Variants in SHANK2 observed in about 807,000 individuals in gnomAD.
The protein encoded by SHANK2 is SH3 and multiple ankyrin repeat domains protein 2.
In SHANK2, 43 loss-of-function variants were observed where a neutral mutation model predicts 133.7. The ratio of observed to expected loss-of-function variants is 0.32; its 90% CI spans 0.25 to 0.41. SHANK2 has a LOEUF of 0.41. SHANK2 is among the 10% of genes least tolerant of loss of function. The probability of loss-of-function intolerance (pLI) is 1.00; values close to 1 mark genes in which losing one functional copy is unlikely to be tolerated. For missense variants in SHANK2, 1,994 were observed against 2,235.8 expected (o/e 0.89, Z 2.18); for synonymous variants, 1,017 against 952.8 (o/e 1.07, Z -1.24).
chr11:70,558,385 G>A (rs1340456621), intron 17 of SHANK2, among the ~76,000 whole-genome samples: 14 of 152,194 alleles, frequency 9.2e-5, no homozygotes, highest in Admixed American at 2.6e-4. Context: ...CCCATTCGGC[G>A]TGCACGACCC....
At chr11:70,756,882 A>G (rs1946887176) in intron 14 of SHANK2, among the ~76,000 whole-genome samples, 1 of 151,800 alleles carries the variant, frequency 6.6e-6, no homozygotes, top group Non-Finnish European at 1.5e-5. Context: ...GAATGTTACA[A>G]AAGAGAACGG....
At chr11:70,765,530 T>G (rs77842890) in intron 14 of SHANK2, among the ~76,000 whole-genome samples, 1 of 152,176 alleles carries the variant, frequency 6.6e-6, no homozygotes, top group Non-Finnish European at 1.5e-5. Flanking sequence ...GGACTGAAGC[T>G]GTTATTCCTA....
intron 22 of SHANK2, among the ~76,000 whole-genome samples, chr11:70,491,048 T>C (rs1011513392): frequency 6.6e-6 from 1 of 152,152 alleles, no homozygotes; most frequent in East Asian, 1.9e-4. Flanking sequence ...GCTCCCCTCC[T>C]CCCCTCCACC....
chr11:70,934,406 A>C (rs1555083119), intron 10 of SHANK2, among the ~76,000 whole-genome samples: 1 of 151,978 alleles, frequency 6.6e-6, no homozygotes, highest in Non-Finnish European at 1.5e-5. Context: ...CTGCTTCCTA[A>C]ACAGCCCAGC....
At chr11:71,206,532 T>C (rs1555118018) in intron 2 of SHANK2, among the ~76,000 whole-genome samples, 1 of 152,166 alleles carries the variant, frequency 6.6e-6, no homozygotes, top group African/African-American at 2.4e-5. Context: ...GATCGCACTA[T>C]TCTCATATCC....
intron 2 of SHANK2, among the ~76,000 whole-genome samples, chr11:71,151,291 T>C (rs1332365461): frequency 2.6e-5 from 4 of 151,712 alleles, no homozygotes; most frequent in Non-Finnish European, 4.4e-5. Flanking sequence ...CTATGTCCAA[T>C]TAGGAGAAAG....
chr11:70,909,862 G>A (rs1005202614), intron 10 of SHANK2, among the ~76,000 whole-genome samples: 3 of 152,324 alleles, frequency 2.0e-5, no homozygotes, highest in East Asian at 1.9e-4. Context: ...GTACGCTTGC[G>A]TATGAGTTTG....
intron 15 of SHANK2, among the ~76,000 whole-genome samples, chr11:70,695,264 T>C (rs1945369638): frequency 6.6e-6 from 1 of 152,070 alleles, no homozygotes; most frequent in Non-Finnish European, 1.5e-5. Flanking sequence ...AGTGAATGTC[T>C]TAATACCACT....
chr11:71,234,133 G>T (rs530446960), intron 1 of SHANK2, among the ~76,000 whole-genome samples: 1 of 136,904 alleles, frequency 7.3e-6, no homozygotes, highest in Non-Finnish European at 1.5e-5. Flanking sequence ...GGATCATGAG[G>T]TCAGGGATTT....
rs983061464 is a variant in SHANK2, at chr11:70,804,319, G to A, written c.1663+2683C>T. ...TGTGCGGGCCACCCCACGATGGGGA[G>A]GAGGCACCGACAGCTCGGCAGGAAG... is the stretch of plus-strand genomic sequence containing the variant. On this transcript the variant is annotated intron_variant, in intron 13 of 25. Transcript: ENST00000601538. The surrounding 1 kb of genome is among the most constrained non-coding windows in gnomAD (Gnocchi z 4.1). 6.6e-6 allele frequency among the ~76,000 whole-genome samples: 1 copy of A among 152,240 alleles called. No homozygotes were observed. Among genetic ancestry groups the A allele is most frequent in the South Asian group, 2.1e-4 (1 of 4,836 alleles).
chr11:70,605,981 A>C (rs1247664976), intron 17 of SHANK2, among the ~76,000 whole-genome samples: 1 of 152,120 alleles, frequency 6.6e-6, no homozygotes, highest in Non-Finnish European at 1.5e-5. Flanking sequence ...AGATGGCATG[A>C]AGTACCCTCA....
At chr11:71,133,279 T>TGGCC (rs1370969519) in intron 3 of SHANK2, among the ~76,000 whole-genome samples, 16 of 128,888 alleles carry the variant, frequency 1.2e-4, no homozygotes, top group African/African-American at 4.5e-4. Context: ...GATGGATGGA[T>TGGCC]GGCCGGCCGG....
chr11:71,154,346 A>G (rs1555108653), intron 2 of SHANK2, among the ~76,000 whole-genome samples: 1 of 152,202 alleles, frequency 6.6e-6, no homozygotes, highest in African/African-American at 2.4e-5. Flanking sequence ...AAGAGCTGAC[A>G]TAGACATAGG....
At chr11:70,505,586 G>A (rs1554968206) in intron 17 of SHANK2, among the ~76,000 whole-genome samples, 1 of 152,092 alleles carries the variant, frequency 6.6e-6, no homozygotes, top group Non-Finnish European at 1.5e-5. Context: ...CTCTGGGCGG[G>A]CCCCCAGTGC....
chr11:70,546,351 G>A (rs2059696821), intron 17 of SHANK2, among the ~76,000 whole-genome samples: 1 of 152,054 alleles, frequency 6.6e-6, no homozygotes. Context: ...GAATCATGTG[G>A]TTGGTTTTTC....
At chr11:70,658,300 C>G (rs1555012287) in intron 17 of SHANK2, among the ~76,000 whole-genome samples, 2 of 138,118 alleles carry the variant, frequency 1.4e-5, no homozygotes, top group African/African-American at 2.6e-5. Context: ...CACACACACA[C>G]ACACACAGAC....
At chr11:70,731,807 A>G (rs1241927543) in intron 14 of SHANK2, among the ~76,000 whole-genome samples, 1 of 152,196 alleles carries the variant, frequency 6.6e-6, no homozygotes, top group Non-Finnish European at 1.5e-5. Context: ...ACCAGCTACC[A>G]GCAAGGTGCC....
At chr11:70,953,984 T>C (rs1950881105) in intron 10 of SHANK2, among the ~76,000 whole-genome samples, 1 of 152,156 alleles carries the variant, frequency 6.6e-6, no homozygotes, top group African/African-American at 2.4e-5. Flanking sequence ...TGTGTGTGTG[T>C]CTAATAGACA....
intron 2 of SHANK2, among the ~76,000 whole-genome samples, chr11:71,216,515 T>G (rs1298774076): frequency 1.3e-5 from 2 of 152,044 alleles, no homozygotes; most frequent in African/African-American, 2.4e-5. Context: ...GTACAGGTTT[T>G]GGGGGGGAAT....
Sources: gnomAD v4.1 joint callset for allele counts (sites outside exome capture counted in the v4.1 genomes callset) on GRCh38, gnomAD v4.1.1 for gene constraint, Gnocchi (gnomAD v3.1) non-coding constraint, MANE v1.5 for transcripts, NCBI Gene and HGNC (gene_info 2026-07-23, HGNC 2026-07-21) for gene names.